DNM3: variants seen among roughly 807,000 people sequenced by gnomAD.
DNM3 encodes the protein dynamin-3.
In DNM3, 47 loss-of-function variants were observed where a neutral mutation model predicts 101.6. The ratio of observed to expected loss-of-function variants is 0.46; its 90% CI spans 0.37 to 0.59. DNM3 has a LOEUF of 0.59. Among genes scored for constraint, DNM3 ranks in the 20% least tolerant of loss-of-function variants. The probability of loss-of-function intolerance (pLI) is 0.00; values close to 1 mark genes in which losing one functional copy is unlikely to be tolerated. For synonymous variants in DNM3, 385 were observed against 387.9 expected (o/e 0.99, Z 0.09); for missense variants, 849 against 1,085.7 (o/e 0.78, Z 3.06).
intron 10 of DNM3, among the ~76,000 whole-genome samples, chr1:172,063,880 T>C (rs1345622040): frequency 6.6e-6 from 1 of 152,160 alleles, no homozygotes; most frequent in East Asian, 1.9e-4. Flanking sequence ...CAAGTTTCAC[T>C]ATTATAATAT....
chr1:172,396,305 G>A (rs1368437105), intron 20 of DNM3, among the ~76,000 whole-genome samples: 1 of 152,140 alleles, frequency 6.6e-6, no homozygotes, highest in African/African-American at 2.4e-5. Flanking sequence ...TCCATAGCAA[G>A]GTAGGGTCTT....
intron 14 of DNM3, among the ~76,000 whole-genome samples, chr1:172,147,797 A>T (rs2057970068): frequency 1.3e-5 from 2 of 152,020 alleles, no homozygotes; most frequent in South Asian, 2.1e-4. Context: ...ATCCATTCCA[A>T]CTTCTTAATC....
intron 20 of DNM3, among the ~76,000 whole-genome samples, chr1:172,405,116 C>T (rs2149123169): frequency 6.6e-6 from 1 of 152,132 alleles, no homozygotes; most frequent in South Asian, 2.1e-4. Context: ...CTCGCTAGAC[C>T]TACTCACCTT....
intron 10 of DNM3, among the ~76,000 whole-genome samples, chr1:172,053,942 T>C (rs1490465138): frequency 2.0e-5 from 3 of 152,160 alleles, no homozygotes; most frequent in Non-Finnish European, 4.4e-5. Context: ...AAGGTGACTA[T>C]ATAATTTATT....
At position 172,409,034 on chromosome 1, in the gene DNM3, C is replaced by A; in HGVS notation, c.*1193C>A. The A allele has an allele frequency of 2.0e-6, 2 of 985,338 alleles. No individual in the cohort carries two copies. Among genetic ancestry groups the A allele is most frequent in the African/African-American group, 1.7e-5 (1 of 57,352 alleles). 61.0% of individuals were successfully genotyped at this position (985,338 alleles called of 1,614,324 possible). A position where few individuals can be genotyped will look rare whatever the true frequency, so the allele number is the denominator to read the frequency against. On this transcript the variant is annotated 3_prime_UTR_variant, in exon 21 of 21. Transcript: ENST00000627582. ...AACGTTGAAATCTAAAGCAAATTTG[C>A]AATTTCTTAAGATTTCTAAAATTTA...
Position 171,841,667 on chromosome 1 carries a change from G to A in DNM3, c.11G>A (p.Arg4Gln), listed in dbSNP as rs754725721. The A allele has an allele frequency of 6.2e-7, 1 of 1,610,976 alleles. No homozygotes were observed. Among genetic ancestry groups the A allele is most frequent in the Non-Finnish European group, 8.5e-7 (1 of 1,178,960 alleles). ...GGCCCCTCGGGCAAGATGGGGAACC[G>A]GGAGATGGAGGAGCTGATCCCGCTG... MGN[R>Q]EMEELIPLVN... The change falls in exon 1 of 21, where the codon CGG (arginine) becomes CAG (glutamine). Residue 4 changes from arginine to glutamine, a missense_variant. Arg to Gln is a conservative substitution (Grantham distance 43). Transcript: ENST00000627582.
intron 4 of DNM3, among the ~76,000 whole-genome samples, chr1:172,016,441 T>C (rs2047459878): frequency 6.6e-6 from 1 of 152,236 alleles, no homozygotes; most frequent in Non-Finnish European, 1.5e-5. Context: ...GATTTTCAAA[T>C]GTTTAACTGG....
At chr1:171,953,786 G>A (rs1244420277) in intron 2 of DNM3, among the ~76,000 whole-genome samples, 1 of 151,996 alleles carries the variant, frequency 6.6e-6, no homozygotes, top group Non-Finnish European at 1.5e-5. Flanking sequence ...TTTAACTGAA[G>A]GATTTCTAGT....
At chr1:171,944,667 C>T (rs1330542659) in intron 2 of DNM3, among the ~76,000 whole-genome samples, 1 of 151,936 alleles carries the variant, frequency 6.6e-6, no homozygotes, top group East Asian at 1.9e-4. Context: ...AGCCACCATG[C>T]CCAGCCTCAA....
chr1:172,081,488 A>G (rs2053145371), intron 11 of DNM3, among the ~76,000 whole-genome samples: 1 of 152,176 alleles, frequency 6.6e-6, no homozygotes, highest in Admixed American at 6.5e-5. Flanking sequence ...CCTGCCACAC[A>G]TCTTATTTGT....
At chr1:172,401,564 C>A (rs1385448225) in intron 20 of DNM3, among the ~76,000 whole-genome samples, 3 of 152,158 alleles carry the variant, frequency 2.0e-5, no homozygotes, top group African/African-American at 7.2e-5. Flanking sequence ...CAATGACATA[C>A]ATTATAAAAT....
intron 13 of DNM3, among the ~76,000 whole-genome samples, chr1:172,110,916 G>A (rs2055423214): frequency 1.3e-5 from 2 of 152,194 alleles, no homozygotes; most frequent in Non-Finnish European, 2.9e-5. Context: ...TGCGCCTTTA[G>A]TGTCAGCTAC....
chr1:172,193,948 A>G (rs1280602421), intron 14 of DNM3, among the ~76,000 whole-genome samples: 1 of 151,720 alleles, frequency 6.6e-6, no homozygotes, highest in African/African-American at 2.4e-5. Context: ...TTTAATTGTG[A>G]TGTTAGGGTG....
intron 2 of DNM3, among the ~76,000 whole-genome samples, chr1:171,930,458 T>C (rs1412389760): frequency 1.3e-5 from 2 of 152,202 alleles, no homozygotes; most frequent in African/African-American, 4.8e-5. Flanking sequence ...AGCCTGGGTA[T>C]CTAAGGCTCC....
rs9425565 is a variant in DNM3 at position 172,340,550 on chromosome 1, T to C, written c.1893+17210T>C. On this transcript the variant is annotated intron_variant, in intron 17 of 20. Transcript: ENST00000627582. ...TCACTGACAAACATGGTGCATTCAC[T>C]ATGAACTTTACGATCTTCATGACAC... is the stretch of plus-strand genomic sequence containing the variant. Among the ~76,000 whole-genome samples, 489 of 152,204 alleles carry C rather than the reference T, an allele frequency of 3.2e-3. 2 individuals carry two copies. The highest frequency in any genetic ancestry group is 0.011 in the African/African-American group (464 of 41,430).
chr1:172,183,656 A>G (rs949754093), intron 14 of DNM3, among the ~76,000 whole-genome samples: 1 of 151,800 alleles, frequency 6.6e-6, no homozygotes. Context: ...GCTGGAGTGC[A>G]GTGATGCAAT....
intron 12 of DNM3, among the ~76,000 whole-genome samples, chr1:172,088,679 A>G (rs2053699299): frequency 6.6e-6 from 1 of 152,120 alleles, no homozygotes; most frequent in African/African-American, 2.4e-5. Context: ...ATTCTCTTGG[A>G]ACGTAGTCAT....
chr1:172,042,196 G>A, intron 8 of DNM3, 52 bp downstream of exon 8: 2 of 1,514,368 alleles, frequency 1.3e-6, no homozygotes, highest in South Asian at 1.3e-5. Flanking sequence ...TCCATATTCT[G>A]TTTTATACAA....
intron 7 of DNM3, among the ~76,000 whole-genome samples, chr1:172,040,640 A>G (rs1277769077): frequency 6.6e-6 from 1 of 152,122 alleles, no homozygotes; most frequent in African/African-American, 2.4e-5. Context: ...ACTAATAGAC[A>G]TGGCAATGTT....
Sources: gnomAD v4.1 joint callset for allele counts (sites outside exome capture counted in the v4.1 genomes callset) on GRCh38, gnomAD v4.1.1 for gene constraint, MANE v1.5 for transcripts, NCBI Gene and HGNC (gene_info 2026-07-23, HGNC 2026-07-21) for gene names.